LSAMP: variants seen among roughly 807,000 people sequenced by gnomAD.
LSAMP encodes the protein limbic system-associated membrane protein.
In LSAMP, 7 loss-of-function variants were observed where a neutral mutation model predicts 38.6. That is an observed-to-expected ratio of 0.18 (90% confidence interval 0.10 to 0.34). The LOEUF is 0.34. Among genes scored for constraint, LSAMP ranks in the 10% least tolerant of loss-of-function variants. The pLI is 1.00. For synonymous variants in LSAMP, 154 were observed against 166.8 expected (o/e 0.92, Z 0.59); for missense variants, 313 against 420.0 (o/e 0.75, Z 2.23).
chr3:116,174,164 G>A (rs1576411378), intron 1 of LSAMP, among the ~76,000 whole-genome samples: 1 of 151,932 alleles, frequency 6.6e-6, no homozygotes, highest in African/African-American at 2.4e-5. Flanking sequence ...TGCAGTATGA[G>A]CTGCCACTGC....
At position 115,878,449 on chromosome 3, in the gene LSAMP, T is replaced by A. The variant is rs113007330; in HGVS notation, c.515-25832A>T. Among the ~76,000 whole-genome samples, 262 of 136,264 alleles carry A rather than the reference T, an allele frequency of 1.9e-3. 3 individuals are homozygous for A. The highest frequency in any genetic ancestry group is 6.9e-3 in the African/African-American group (251 of 36,604). The allele number at this position is 136,264 out of a possible 152,430, so 89.4% of individuals were successfully genotyped here. A position where few individuals can be genotyped will look rare whatever the true frequency, so the allele number is the denominator to read the frequency against. ...TTTACTTGATACTTTGAGAACATGC[T>A]ATTCTTTTTTTTTTTTTTTTTTTTT... is the stretch of plus-strand genomic sequence containing the variant. On this transcript the variant is annotated intron_variant, in intron 3 of 6. Transcript: ENST00000490035.
chr3:116,422,801 C>A (rs2049145264), intron 1 of LSAMP, among the ~76,000 whole-genome samples: 1 of 152,130 alleles, frequency 6.6e-6, no homozygotes. Context: ...ATATAAGCAG[C>A]TTTTAGGTCT....
At chr3:116,122,041 C>A (rs767636415) in intron 1 of LSAMP, among the ~76,000 whole-genome samples, 1 of 152,072 alleles carries the variant, frequency 6.6e-6, no homozygotes, top group Non-Finnish European at 1.5e-5. Context: ...TCACTATACT[C>A]TTTTTCTTCA....
At chr3:115,853,081 T>C (rs768351325) in intron 3 of LSAMP, among the ~76,000 whole-genome samples, 1 of 152,216 alleles carries the variant, frequency 6.6e-6, no homozygotes, top group African/African-American at 2.4e-5. Context: ...CATAAAGTGC[T>C]CTGAGGGGAT....
At chr3:116,176,538 C>T in intron 1 of LSAMP, among the ~76,000 whole-genome samples, 1 of 152,092 alleles carries the variant, frequency 6.6e-6, no homozygotes, top group East Asian at 1.9e-4. Flanking sequence ...AACAATCAAC[C>T]AGGCAACCAA....
intron 1 of LSAMP, among the ~76,000 whole-genome samples, chr3:116,109,850 C>T (rs991120585): frequency 4.0e-5 from 6 of 151,482 alleles, no homozygotes; most frequent in South Asian, 4.2e-4. Flanking sequence ...GGGGTTCTTA[C>T]CCTCCAGAAA....
At chr3:116,346,321 T>C (rs2048062822) in intron 1 of LSAMP, among the ~76,000 whole-genome samples, 1 of 121,008 alleles carries the variant, frequency 8.3e-6, no homozygotes, top group African/African-American at 2.5e-5. Flanking sequence ...TAAGGGTTAG[T>C]TTTATCTTTT....
chr3:116,319,397 T>G (rs1452220087), intron 1 of LSAMP, among the ~76,000 whole-genome samples: 3 of 152,168 alleles, frequency 2.0e-5, no homozygotes, highest in Non-Finnish European at 2.9e-5. Flanking sequence ...AGTTACATGA[T>G]TTCTCTTTCT....
At chr3:115,838,513 C>T (rs1934870931) in intron 6 of LSAMP, among the ~76,000 whole-genome samples, 1 of 152,150 alleles carries the variant, frequency 6.6e-6, no homozygotes, top group South Asian at 2.1e-4. Flanking sequence ...AATCCTTGGC[C>T]ATACATTGTG....
intron 3 of LSAMP, among the ~76,000 whole-genome samples, chr3:115,858,788 G>A (rs892573301): frequency 3.9e-5 from 6 of 152,180 alleles, no homozygotes; most frequent in African/African-American, 1.4e-4. Context: ...AGCAAGAAAA[G>A]CAAGCTATGA....
intron 2 of LSAMP, among the ~76,000 whole-genome samples, chr3:116,060,653 G>A (rs777054177): frequency 6.6e-6 from 1 of 152,114 alleles, no homozygotes; most frequent in Admixed American, 6.5e-5. Context: ...CCAGCTCCTT[G>A]GGAGGCTGAG....
At chr3:115,898,942 C>G (rs961430518) in intron 3 of LSAMP, among the ~76,000 whole-genome samples, 3 of 152,196 alleles carry the variant, frequency 2.0e-5, no homozygotes, top group East Asian at 1.9e-4. Context: ...AAGGGGCTGT[C>G]ATGCAATGAC....
At chr3:115,817,406 C>G (rs1021772390) in intron 6 of LSAMP, among the ~76,000 whole-genome samples, 10 of 152,146 alleles carry the variant, frequency 6.6e-5, no homozygotes, top group Admixed American at 3.9e-4. Flanking sequence ...TACTGTATCC[C>G]TAGTGCTTAG....
chr3:115,820,408 G>A (rs1028264344), intron 6 of LSAMP, among the ~76,000 whole-genome samples: 1 of 152,212 alleles, frequency 6.6e-6, no homozygotes, highest in Non-Finnish European at 1.5e-5. Context: ...TTCTAGTATA[G>A]AGAATGTACT....
chr3:116,067,676 A>C (rs960803480), intron 2 of LSAMP, among the ~76,000 whole-genome samples: 3 of 152,164 alleles, frequency 2.0e-5, no homozygotes, highest in African/African-American at 7.2e-5. Context: ...CCGTTAAAGA[A>C]CATTATTTTA....
chr3:115,851,833 C>T (rs1001080392), intron 4 of LSAMP, among the ~76,000 whole-genome samples: 1 of 152,106 alleles, frequency 6.6e-6, no homozygotes, highest in African/African-American at 2.4e-5. Context: ...ATAGATCCTC[C>T]CCCCGCCCAC....
At chr3:116,072,752 GTT>G (rs36091421) in intron 2 of LSAMP, among the ~76,000 whole-genome samples, 46 of 112,330 alleles carry the variant, frequency 4.1e-4, no homozygotes, top group African/African-American at 1.4e-3. Flanking sequence ...GTTGTTTGTG[GTT>G]TTTTTTTTTT....
At chr3:115,862,954 C>A (rs913143842) in intron 3 of LSAMP, among the ~76,000 whole-genome samples, 6 of 152,194 alleles carry the variant, frequency 3.9e-5, no homozygotes, top group Non-Finnish European at 7.3e-5. Context: ...TTCTTGAAAG[C>A]AGTCCCTCTC....
At chr3:116,292,299 A>C (rs1438742866) in intron 1 of LSAMP, among the ~76,000 whole-genome samples, 1 of 152,232 alleles carries the variant, frequency 6.6e-6, no homozygotes, top group Non-Finnish European at 1.5e-5. Context: ...AAAGCAGCAC[A>C]TAAGAATGAA....
Sources: gnomAD v4.1 joint callset for allele counts (sites outside exome capture counted in the v4.1 genomes callset) on GRCh38, gnomAD v4.1.1 for gene constraint, MANE v1.5 for transcripts, NCBI Gene and HGNC (gene_info 2026-07-23, HGNC 2026-07-21) for gene names.